RNF135: variants seen among roughly 807,000 people sequenced by gnomAD.
The protein encoded by RNF135 is E3 ubiquitin-protein ligase RNF135.
A neutral mutation model predicts 41.9 loss-of-function variants in RNF135; 46 were observed. The ratio of observed to expected loss-of-function variants is 1.10; its 90% confidence interval spans 0.87 to 1.40. The LOEUF is 1.40. Among genes scored for constraint, RNF135 ranks in the 40% most tolerant of loss-of-function variants. The probability of loss-of-function intolerance (pLI) is 0.00; values close to 1 mark genes in which losing one functional copy is unlikely to be tolerated. For synonymous variants in RNF135, 238 were observed against 223.8 expected (o/e 1.06, Z -0.57); for missense variants, 539 against 549.8 (o/e 0.98, Z 0.20).
chr17:30,988,240 G>T, intron 3 of RNF135, 134 bp downstream of exon 3: 1 of 860,520 alleles, frequency 1.2e-6, no homozygotes, highest in Non-Finnish European at 1.9e-6. Flanking sequence ...TCGTGAATCA[G>T]GTAGGGGTGG....
chr17:30,988,722 G>T (rs539718401), intron 3 of RNF135, among the ~76,000 whole-genome samples: 1 of 149,280 alleles, frequency 6.7e-6, no homozygotes, highest in African/African-American at 2.4e-5. Flanking sequence ...CACCGTGCCT[G>T]GCCTTAAATT....
the RNF135 span, among the ~76,000 whole-genome samples, chr17:30,961,593 G>T: frequency 6.6e-6 from 1 of 152,102 alleles, no homozygotes; most frequent in Non-Finnish European, 1.5e-5. Context: ...CTCCTGAGTA[G>T]CTGGGACCAC....
chr17:30,964,608 C>T, the RNF135 span, among the ~76,000 whole-genome samples: 485 of 151,158 alleles, frequency 3.2e-3, 2 homozygotes, highest in African/African-American at 0.011. Flanking sequence ...TGTCTCAAAA[C>T]AAACAAACAA....
At chr17:30,980,024 C>G (rs1321851404) in intron 1 of RNF135, among the ~76,000 whole-genome samples, 1 of 118,532 alleles carries the variant, frequency 8.4e-6, no homozygotes, top group South Asian at 2.8e-4. Context: ...GGCGGCTGGC[C>G]GGGCGGGGGG....
intron 1 of RNF135, among the ~76,000 whole-genome samples, chr17:30,975,032 C>T (rs7208589): frequency 0.2 from 30,619 of 151,494 alleles, 9,770 homozygotes; most frequent in African/African-American, 0.68. Context: ...CTCACACTTA[C>T]AATCCTAGCA....
intron 1 of RNF135, chr17:30,975,455 A>G (rs1276987276): frequency 2.6e-6 from 2 of 775,714 alleles, no homozygotes; most frequent in East Asian, 2.4e-5. Flanking sequence ...AACTGTGTTC[A>G]CTGAGAAGCA....
chr17:30,999,169 T>C lies in RNF135; in HGVS notation c.1277T>C (p.Ile426Thr). 1 of 1,613,944 alleles carries C rather than the reference T, an allele frequency of 6.2e-7. No homozygotes were observed. The highest frequency in any genetic ancestry group is 8.5e-7 in the Non-Finnish European group (1 of 1,180,038). Reference protein sequence around the residue: ...LYGLHPGNYLIIKQVKV With the variant: ...LYGLHPGNYLTIKQVKV ...GGCTTACATCCTGGAAATTACCTGATAATAAAGCAAGTAAAGGTGTAAGGT... is the reference window on the plus strand; with the variant it reads ...GGCTTACATCCTGGAAATTACCTGACAATAAAGCAAGTAAAGGTGTAAGGT... The change falls in exon 5 of 5, where the codon ATA (isoleucine) becomes ACA (threonine). Residue 426 changes from isoleucine to threonine, a missense_variant. Physicochemically the swap from Ile to Thr is moderately conservative, Grantham distance 89 (BLOSUM62 -1). Around this residue, in one of 2 missense-constraint regions of RNF135, gnomAD observed 262 missense variants for 336.9 expected, o/e 0.78. Coordinates refer to ENST00000328381, the MANE Select transcript of RNF135 (RefSeq NM_032322.4).
intron 1 of RNF135, among the ~76,000 whole-genome samples, chr17:30,983,665 T>C (rs1184816730): frequency 6.6e-6 from 1 of 151,874 alleles, no homozygotes; most frequent in Non-Finnish European, 1.5e-5. Context: ...ATTTTTAATA[T>C]TTTGAGCAGC....
chr17:30,985,868 G>A (rs564109025), intron 2 of RNF135, among the ~76,000 whole-genome samples: 5 of 152,244 alleles, frequency 3.3e-5, no homozygotes, highest in African/African-American at 7.2e-5. Flanking sequence ...GGCTCTGTGC[G>A]CTCTAGCTAC....
At chr17:30,993,740 C>T in intron 3 of RNF135, 1 of 955,594 alleles carries the variant, frequency 1.0e-6, no homozygotes, top group South Asian at 1.6e-5. Flanking sequence ...GTAGGTTTTG[C>T]AAATGCTTTT....
upstream of RNF135, among the ~76,000 whole-genome samples, chr17:30,967,175 C>T (rs1754580752): frequency 6.6e-6 from 1 of 152,096 alleles, no homozygotes; most frequent in South Asian, 2.1e-4. Flanking sequence ...GCTGGGACCT[C>T]AGGCCACCAT....
rs1205737192 is a variant in RNF135, at chr17:30,971,176, C to T, written c.103C>T (p.Pro35Ser). The change falls in exon 1 of 5, where the codon CCC (proline) becomes TCC (serine). Residue 35 changes from proline (P) to serine (S), a missense_variant. Around this residue, in one of 2 missense-constraint regions of RNF135, gnomAD observed 277 missense variants for 212.8 expected, o/e 1.30. Coordinates refer to ENST00000328381, the MANE Select transcript of RNF135 (RefSeq NM_032322.4). ...QGLLDWPATL[P>S]CGHSFCRHCL... is the part of the protein sequence containing the mutation. ...GCTGCTGGACTGGCCCGCCACGCTG[C>T]CCTGCGGCCACAGCTTCTGCCGCCA... The T allele has an allele frequency of 3.3e-6, 5 of 1,528,240 alleles. No homozygotes were observed. The East Asian group carries it at 1.2e-4, about 38-fold the overall frequency. The allele number at this position is 1,528,240 out of a possible 1,614,324, so 94.7% of individuals were successfully genotyped here.
At chr17:30,974,403 C>A (rs1054459865) in intron 1 of RNF135, among the ~76,000 whole-genome samples, 1 of 152,008 alleles carries the variant, frequency 6.6e-6, no homozygotes, top group African/African-American at 2.4e-5. Flanking sequence ...CCTCGCAATT[C>A]CATCTGAATT....
At chr17:30,989,125 T>A (rs1266997518) in intron 3 of RNF135, among the ~76,000 whole-genome samples, 1 of 150,186 alleles carries the variant, frequency 6.7e-6, no homozygotes, top group Admixed American at 6.6e-5. Context: ...ATCCCAGTGC[T>A]TTGGGAGGCT....
Position 30,971,402 on chromosome 17 carries a change from C to G in RNF135, c.329C>G (p.Ser110Cys), listed in dbSNP as rs991014283. Reference protein sequence around the residue: ...HCPCPGSSSLSSAAARPRRRP... With the variant: ...HCPCPGSSSLCSAAARPRRRP... ...CCCTGCCCGGGCTCCAGTTCCCTCT[C>G]CAGCGCGGCCGCGAGGCCCCGGCGC... Residue 110 changes from serine (S) to cysteine (C), a missense_variant, in exon 1 of 5, where the codon TCC becomes TGC. By Grantham distance (112) the Ser-to-Cys change is moderately radical (BLOSUM62 -1). Coordinates refer to ENST00000328381, the MANE Select transcript of RNF135 (RefSeq NM_032322.4). 15 of 1,519,536 alleles carry G rather than the reference C, an allele frequency of 9.9e-6. No individual in the cohort carries two copies. Among genetic ancestry groups the G allele is most frequent in the Admixed American group, 4.0e-5 (2 of 49,462 alleles). The allele number at this position is 1,519,536 out of a possible 1,614,324, so 94.1% of individuals were successfully genotyped here.
At chr17:30,982,055 A>G (rs1907190587) in intron 1 of RNF135, among the ~76,000 whole-genome samples, 1 of 152,194 alleles carries the variant, frequency 6.6e-6, no homozygotes, top group Non-Finnish European at 1.5e-5. Flanking sequence ...GCTACCACCT[A>G]TATTGACTCA....
intron 1 of RNF135, chr17:30,979,284 G>T: frequency 7.4e-6 from 1 of 135,030 alleles, no homozygotes; most frequent in Non-Finnish European, 1.6e-5. Flanking sequence ...GCCAGGCAGA[G>T]GGGCTCCTCA....
chr17:30,977,097 T>A (rs1420555527), intron 1 of RNF135, among the ~76,000 whole-genome samples: 1 of 152,210 alleles, frequency 6.6e-6, no homozygotes, highest in Non-Finnish European at 1.5e-5. Flanking sequence ...ATTTTTTGTG[T>A]ATCCATTATA....
chr17:30,973,568 A>G (rs1198126403), intron 1 of RNF135, among the ~76,000 whole-genome samples: 5 of 152,024 alleles, frequency 3.3e-5, no homozygotes, highest in Admixed American at 2.6e-4. Flanking sequence ...CCCGGGTTCA[A>G]GCAATTCTCC....
Sources: allele counts gnomAD v4.1 joint callset (sites outside exome capture counted in the v4.1 genomes callset), GRCh38; gene constraint gnomAD v4.1.1; regional missense constraint gnomAD v4.1.1; transcripts MANE v1.5; gene names NCBI Gene and HGNC (gene_info 2026-07-23, HGNC 2026-07-21).